The following CTNNA3 variants were observed in gnomAD, a reference collection of about 807,000 sequenced individuals.
The protein encoded by CTNNA3 is catenin alpha 3, also known as catenin alpha-3.
CTNNA3 carries 76 observed loss-of-function variants against 95.7 expected under a neutral mutation model. The observed-to-expected ratio is 0.79, with a 90% CI of 0.66 to 0.96. The LOEUF is 0.96. CTNNA3 is among the 40% of genes least tolerant of loss of function. CTNNA3 has a pLI of 0.00. For missense variants in CTNNA3, 1,191 were observed against 1,089.8 expected (o/e 1.09, Z -1.31); for synonymous variants, 431 against 374.4 (o/e 1.15, Z -1.74).
rs545386328 is a variant in CTNNA3 at position 67,345,552 on chromosome 10, G to A, written c.580-125682C>T. On this transcript the variant is annotated intron_variant, in intron 5 of 17. Transcript: ENST00000433211. ...TTAAAATTGTTATATCCTCTTGCTG[G>A]ATTGATGCCTTTATCATTATATAGT... Among the ~76,000 whole-genome samples the A allele has an allele frequency of 9.9e-5, 15 of 152,128 alleles. 1 individual carries two copies. The highest frequency in any genetic ancestry group is 3.4e-4 in the African/African-American group (14 of 41,544).
chr10:66,280,981 C>T (rs1274161838), intron 12 of CTNNA3, among the ~76,000 whole-genome samples: 4 of 151,554 alleles, frequency 2.6e-5, no homozygotes, highest in Non-Finnish European at 5.9e-5. Flanking sequence ...AACCACAAGA[C>T]ATTACAAAAA....
At chr10:66,096,332 G>A (rs373253986) in intron 14 of CTNNA3, among the ~76,000 whole-genome samples, 31 of 152,078 alleles carry the variant, frequency 2.0e-4, no homozygotes, top group African/African-American at 7.5e-4. Context: ...AAGAATGACT[G>A]TAGAATATGT....
At chr10:66,341,017 C>A (rs942592148) in intron 12 of CTNNA3, among the ~76,000 whole-genome samples, 1 of 151,790 alleles carries the variant, frequency 6.6e-6, no homozygotes, top group Admixed American at 6.6e-5. Flanking sequence ...GAAACAGACT[C>A]CAAATGTCTT....
Position 67,074,507 on chromosome 10 carries a change from C to A in CTNNA3, c.1047+105810G>T, listed in dbSNP as rs1363599493. On this transcript the variant is annotated intron_variant, in intron 7 of 17. Transcript: ENST00000433211. ...CTGGGACTACAGGCGCCCACCACCA[C>A]GCCCGGCTAATTTTCTGTATTTTTA... 5.3e-5 allele frequency among the ~76,000 whole-genome samples: 8 copies of A among 151,754 alleles called. No homozygotes were observed. The East Asian group carries it at 1.6e-3, about 30-fold the overall frequency.
rs2092636983 is a variant in CTNNA3 at position 66,359,509 on chromosome 10, T to C, written c.1732+19643A>G. 2.6e-5 allele frequency among the ~76,000 whole-genome samples: 4 copies of C among 152,166 alleles called. No homozygotes were observed. The South Asian group carries it at 8.3e-4, about 31-fold the overall frequency. On this transcript the variant is annotated intron_variant, in intron 12 of 17. Coordinates refer to ENST00000433211, the MANE Select transcript of CTNNA3 (RefSeq NM_013266.4). The stretch of plus-strand genomic sequence containing the variant: ...GTTATAGAGATAATTAATAAGCTAA[T>C]TTCTTAAATGTTTAGTTCCAGGGTA...
At chr10:66,764,296 C>T (rs1488269063) in intron 9 of CTNNA3, among the ~76,000 whole-genome samples, 1 of 152,120 alleles carries the variant, frequency 6.6e-6, no homozygotes, top group Non-Finnish European at 1.5e-5. Flanking sequence ...ATTCTTAGAG[C>T]TGTGTCTACA....
intron 7 of CTNNA3, among the ~76,000 whole-genome samples, chr10:67,000,232 A>G (rs888821056): frequency 6.6e-6 from 1 of 152,200 alleles, no homozygotes; most frequent in Non-Finnish European, 1.5e-5. Flanking sequence ...TAAATTACTA[A>G]GTGCTGCAGA....
intron 7 of CTNNA3, among the ~76,000 whole-genome samples, chr10:66,837,298 C>T (rs927813582): frequency 6.6e-6 from 1 of 152,138 alleles, no homozygotes; most frequent in African/African-American, 2.4e-5. Context: ...ACAATTTTCT[C>T]TACATACTAA....
intron 12 of CTNNA3, among the ~76,000 whole-genome samples, chr10:66,364,124 A>T (rs2092695332): frequency 6.6e-6 from 1 of 151,570 alleles, no homozygotes; most frequent in Non-Finnish European, 1.5e-5. Flanking sequence ...GTCTTTATGT[A>T]CTTCTCTTTC....
At chr10:66,083,870 T>A (rs973518828) in intron 14 of CTNNA3, among the ~76,000 whole-genome samples, 2 of 152,054 alleles carry the variant, frequency 1.3e-5, no homozygotes, top group Admixed American at 6.6e-5. Context: ...GTGTGGTGGC[T>A]CATGCCTGTA....
intron 1 of CTNNA3, among the ~76,000 whole-genome samples, chr10:67,738,746 A>T (rs185593150): frequency 2.0e-3 from 307 of 152,310 alleles, no homozygotes; most frequent in Non-Finnish European, 3.4e-3. Context: ...GAAGTCCTTA[A>T]AGGACCTGAT....
At chr10:66,647,663 A>G (rs1845753311) in intron 9 of CTNNA3, among the ~76,000 whole-genome samples, 1 of 146,726 alleles carries the variant, frequency 6.8e-6, no homozygotes, top group South Asian at 2.3e-4. Context: ...GGCACCTGCC[A>G]CCACGCCCAG....
At chr10:67,451,214 G>C (rs570917550) in intron 5 of CTNNA3, among the ~76,000 whole-genome samples, 1 of 152,186 alleles carries the variant, frequency 6.6e-6, no homozygotes, top group African/African-American at 2.4e-5. Context: ...ACACTCATTA[G>C]ATACAGCCGC....
At chr10:67,093,893 T>C (rs1233503018) in intron 7 of CTNNA3, among the ~76,000 whole-genome samples, 1 of 152,018 alleles carries the variant, frequency 6.6e-6, no homozygotes, top group Non-Finnish European at 1.5e-5. Context: ...TGACTATAAT[T>C]TGAAAGGGAC....
chr10:66,863,753 G>A (rs979884659), intron 7 of CTNNA3, among the ~76,000 whole-genome samples: 1 of 152,072 alleles, frequency 6.6e-6, no homozygotes, highest in Non-Finnish European at 1.5e-5. Context: ...TTAGTCAGAA[G>A]TTGAGAGTGA....
chr10:66,281,178 G>C (rs2091484993), intron 12 of CTNNA3, among the ~76,000 whole-genome samples: 1 of 151,736 alleles, frequency 6.6e-6, no homozygotes, highest in Non-Finnish European at 1.5e-5. Flanking sequence ...TAGTGAAAAG[G>C]AATTGGCATT....
chr10:66,910,937 G>A (rs1314336173), intron 7 of CTNNA3, among the ~76,000 whole-genome samples: 1 of 152,188 alleles, frequency 6.6e-6, no homozygotes, highest in Non-Finnish European at 1.5e-5. Flanking sequence ...AGTATATTGG[G>A]AAAGTAGTAA....
chr10:67,317,223 T>C (rs1157722721), intron 5 of CTNNA3, among the ~76,000 whole-genome samples: 1 of 152,062 alleles, frequency 6.6e-6, no homozygotes, highest in Non-Finnish European at 1.5e-5. Flanking sequence ...AATTTTATTA[T>C]TATTATACTT....
chr10:66,301,555 T>C (rs2132229569), intron 12 of CTNNA3, among the ~76,000 whole-genome samples: 2 of 152,046 alleles, frequency 1.3e-5, no homozygotes, highest in South Asian at 4.1e-4. Context: ...CCCAGGTATG[T>C]AAACCTGATT....
Sources: gnomAD v4.1 joint callset for allele counts (sites outside exome capture counted in the v4.1 genomes callset) on GRCh38, gnomAD v4.1.1 for gene constraint, MANE v1.5 for transcripts, NCBI Gene and HGNC (gene_info 2026-07-23, HGNC 2026-07-21) for gene names.